MACF1: variants seen among roughly 807,000 people sequenced by gnomAD.
MACF1 encodes microtubule-actin cross-linking factor 1.
A neutral mutation model predicts 854.8 loss-of-function variants in MACF1; 193 were observed. The ratio of observed to expected loss-of-function variants is 0.23; its 90% CI spans 0.20 to 0.25. The LOEUF is 0.25. Among genes scored for constraint, MACF1 ranks in the 10% least tolerant of loss-of-function variants. MACF1 has a pLI of 1.00. For synonymous variants in MACF1, 3,185 were observed against 3,226.7 expected (o/e 0.99, Z 0.44); for missense variants, 7,722 against 8,929.1 (o/e 0.86, Z 5.45).
chr1:39,207,635 G>A (rs996619738), intron 1 of MACF1, among the ~76,000 whole-genome samples: 1 of 152,108 alleles, frequency 6.6e-6, no homozygotes, highest in Non-Finnish European at 1.5e-5. Flanking sequence ...ACAAATATTT[G>A]TGCTATTCTT....
In MACF1 at chr1:39,315,612, C is replaced by A. The variant is rs1207456925; in HGVS notation, c.3370C>A (p.Pro1124Thr). ...LHQSPSSSSV[P>T]TLRSELNLLV... The stretch of plus-strand genomic sequence containing the variant: ...TCAGTCTCCATCTAGTTCAAGTGTC[C>A]CAACTCTGCGCTCAGAACTGAATCT... The change falls in exon 27 of 101, where the codon CCA (proline) becomes ACA (threonine). Residue 1124 changes from proline (P) to threonine (T), a missense_variant. Pro to Thr is a conservative substitution (Grantham distance 38). Around this residue, in one of 15 missense-constraint regions of MACF1, gnomAD observed 1,137 missense variants for 1,263.0 expected, o/e 0.90. Transcript: ENST00000564288. 6.2e-7 allele frequency: 1 copy of A among 1,613,974 alleles called. No individual in the cohort carries two copies. Among genetic ancestry groups the A allele is most frequent in the East Asian group, 2.2e-5 (1 of 44,886 alleles).
intron 1 of MACF1, among the ~76,000 whole-genome samples, chr1:39,215,592 C>T (rs1644567367): frequency 6.6e-6 from 1 of 152,160 alleles, no homozygotes; most frequent in Non-Finnish European, 1.5e-5. Flanking sequence ...GGGTGCCCTA[C>T]TTCCTGGGGA....
At chr1:39,455,119 A>G in intron 89 of MACF1, 22 bp downstream of exon 89, 1 of 1,608,800 alleles carries the variant, frequency 6.2e-7, no homozygotes, top group Non-Finnish European at 8.5e-7. Context: ...TCACTGTGTG[A>G]TCACTGGTGT....
chr1:39,370,672 A>G (rs1649146745), intron 51 of MACF1, among the ~76,000 whole-genome samples: 1 of 152,076 alleles, frequency 6.6e-6, no homozygotes, highest in South Asian at 2.1e-4. Context: ...ACTTATCCTT[A>G]TTTTCTCAGT....
chr1:39,198,855 G>A (rs1644355267), intron 2 of MACF1, among the ~76,000 whole-genome samples: 1 of 152,014 alleles, frequency 6.6e-6, no homozygotes, highest in Admixed American at 6.6e-5. Flanking sequence ...AACAGCACTA[G>A]CAATTAATAT....
intron 2 of MACF1, among the ~76,000 whole-genome samples, chr1:39,175,193 T>C: frequency 6.6e-6 from 1 of 152,198 alleles, no homozygotes; most frequent in East Asian, 1.9e-4. Context: ...TTGTAAAGTT[T>C]ACACATAAAG....
intron 7 of MACF1, among the ~76,000 whole-genome samples, chr1:39,282,693 G>T (rs923642115): frequency 1.3e-5 from 2 of 152,126 alleles, no homozygotes; most frequent in African/African-American, 4.8e-5. Context: ...TGGACAGGGT[G>T]GTCAGAGATG....
At chr1:39,122,437 T>C (rs1642741924) in intron 2 of MACF1, among the ~76,000 whole-genome samples, 1 of 152,018 alleles carries the variant, frequency 6.6e-6, no homozygotes, top group African/African-American at 2.4e-5. Flanking sequence ...GTATTTTTAG[T>C]AGAGATGGGG....
At chr1:39,469,823 A>G (rs556719081) in intron 97 of MACF1, among the ~76,000 whole-genome samples, 2 of 152,250 alleles carry the variant, frequency 1.3e-5, no homozygotes, top group African/African-American at 4.8e-5. Context: ...TTGAGTTTCT[A>G]TTTAACAAAT....
intron 2 of MACF1, among the ~76,000 whole-genome samples, chr1:39,116,655 T>G (rs1420473943): frequency 1.3e-5 from 2 of 152,220 alleles, no homozygotes; most frequent in African/African-American, 4.8e-5. Context: ...TGTCTACTCC[T>G]CTGGGAAGAA....
intron 2 of MACF1, among the ~76,000 whole-genome samples, chr1:39,195,950 C>T (rs1411005391): frequency 7.9e-5 from 12 of 152,120 alleles, no homozygotes; most frequent in Non-Finnish European, 2.9e-5. Context: ...TTCGTACAGT[C>T]TGAGCAATAT....
intron 84 of MACF1, 122 bp downstream of exon 84, chr1:39,448,885 A>G: frequency 1.6e-6 from 1 of 619,220 alleles, no homozygotes; most frequent in Non-Finnish European, 2.6e-6. Context: ...CCATCTTAAC[A>G]CCACCAGTTA....
At chr1:39,303,205 C>A (rs1020460542) in intron 23 of MACF1, 127 bp downstream of exon 23, 21 of 1,076,964 alleles carry the variant, frequency 1.9e-5, no homozygotes, top group Non-Finnish European at 2.2e-5. Flanking sequence ...GGAGAGGCTT[C>A]TCATTGGAGA....
chr1:39,245,390 C>T (rs969177651), intron 2 of MACF1, among the ~76,000 whole-genome samples: 1 of 152,132 alleles, frequency 6.6e-6, no homozygotes, highest in Non-Finnish European at 1.5e-5. Flanking sequence ...GCGCGATTCT[C>T]GTGTCTCAGC....
At chr1:39,111,456 C>T (rs1642401773) in intron 2 of MACF1, among the ~76,000 whole-genome samples, 5 of 152,090 alleles carry the variant, frequency 3.3e-5, no homozygotes, top group South Asian at 2.1e-4. Flanking sequence ...GAACTCGGCT[C>T]ACTGCAAGCT....
rs755291565 is a variant in MACF1, at chr1:39,448,752, G to A, written c.20247G>A (p.Lys6749=). ...ACAAATGGGATACTGTTTGTGGCAA[G>A]TCTGTGGAGCGGTGAGCATGAATGT... ...VRDKWDTVCG[K]SVERQHKLEE... is the part of the protein sequence containing the mutation. The change falls in exon 84 of 101, where the codon AAG becomes AAA. Residue 6749 remains lysine (K), a synonymous_variant. Coordinates refer to ENST00000564288, the MANE Select transcript of MACF1 (RefSeq NM_001394062.1). The A allele has an allele frequency of 5.0e-6, 8 of 1,611,702 alleles. No homozygotes were observed. The African/African-American group carries it at 1.1e-4, about 22-fold the overall frequency.
At chr1:39,241,659 CAAAAAAAAAAA>C (rs35678466) in intron 2 of MACF1, among the ~76,000 whole-genome samples, 4 of 51,506 alleles carry the variant, frequency 7.8e-5, no homozygotes, top group African/African-American at 1.6e-4. Flanking sequence ...GACTCCATCT[CAAAAAAAAAAA>C]AAAAAAAAAA....
chr1:39,397,378 A>G (rs1246900617), intron 58 of MACF1, among the ~76,000 whole-genome samples: 2 of 152,132 alleles, frequency 1.3e-5, no homozygotes, highest in Non-Finnish European at 1.5e-5. Context: ...CCTGGTCAAC[A>G]TGGTGAAACC....
At chr1:39,374,181 G>A (rs943497768) in intron 52 of MACF1, among the ~76,000 whole-genome samples, 1 of 152,290 alleles carries the variant, frequency 6.6e-6, no homozygotes, top group Non-Finnish European at 1.5e-5. Flanking sequence ...GGCAGAGGTT[G>A]CAGTGAGCCA....
Sources: gnomAD v4.1 joint callset for allele counts (sites outside exome capture counted in the v4.1 genomes callset) on GRCh38, gnomAD v4.1.1 for gene constraint, gnomAD v4.1.1 regional missense constraint, MANE v1.5 for transcripts, NCBI Gene and HGNC (gene_info 2026-07-23, HGNC 2026-07-21) for gene names.